LPP: variants seen among roughly 807,000 people sequenced by gnomAD.
The protein encoded by LPP is LIM domain containing preferred translocation partner in lipoma, also known as lipoma-preferred partner.
LPP carries 38 observed loss-of-function variants against 60.4 expected under a neutral mutation model. The observed-to-expected ratio is 0.63, with a 90% confidence interval of 0.49 to 0.83. The LOEUF (loss-of-function observed/expected upper bound fraction) is 0.83, where lower values mean the gene tolerates loss of function less well. LPP is among the 40% of genes least tolerant of loss of function. The pLI is 0.00. For synonymous variants in LPP, 328 were observed against 290.8 expected, an observed-to-expected ratio of 1.13 and a Z score of -1.30; for missense variants, 902 against 783.6, an observed-to-expected ratio of 1.15 and a Z score of -1.80.
intron 9 of LPP, among the ~76,000 whole-genome samples, chr3:188,840,334 T>A (rs1759620992): frequency 6.6e-6 from 1 of 152,194 alleles, no homozygotes; most frequent in Non-Finnish European, 1.5e-5. Context: ...ATCTTCCTCT[T>A]AGACCTAGAG....
At chr3:188,191,962 G>T (rs933552192) in intron 1 of LPP, among the ~76,000 whole-genome samples, 7 of 152,192 alleles carry the variant, frequency 4.6e-5, no homozygotes, top group African/African-American at 1.4e-4. Flanking sequence ...TCTTGAGGAG[G>T]TTTGAGGGTT....
intron 9 of LPP, among the ~76,000 whole-genome samples, chr3:188,762,803 T>C (rs1325586462): frequency 6.6e-6 from 1 of 152,054 alleles, no homozygotes; most frequent in Non-Finnish European, 1.5e-5. Flanking sequence ...CATAAGAACA[T>C]TTAATCAAGG....
At chr3:188,817,631 C>G (rs1752814984) in intron 9 of LPP, among the ~76,000 whole-genome samples, 1 of 152,158 alleles carries the variant, frequency 6.6e-6, no homozygotes, top group Admixed American at 6.5e-5. Context: ...CTCCCTGCTG[C>G]CAAACAAAAC....
At position 188,609,718 on chromosome 3, in the gene LPP, A is replaced by G. The variant is rs1439460852; in HGVS notation, c.987A>G (p.Glu329=). 1 of 1,614,128 alleles carries G rather than the reference A, an allele frequency of 6.2e-7. No individual in the cohort carries two copies. Among genetic ancestry groups the G allele is most frequent in the Non-Finnish European group, 8.5e-7 (1 of 1,180,010 alleles). The part of the protein sequence containing the change: ...QQGHPNTWKR[E]PGYTPPGAGN... ...GTCACCCAAATACCTGGAAACGGGA[A>G]CCAGGGTACACTCCTCCTGGAGCAG... The change falls in exon 7 of 12, where the codon GAA becomes GAG. Residue 329 remains glutamate, a synonymous_variant. Coordinates refer to ENST00000617246, the MANE Select transcript of LPP (RefSeq NM_001375462.1). The surrounding 1 kb of genome is among the most constrained non-coding windows in gnomAD (Gnocchi z 6.9).
At chr3:188,416,680 A>G (rs1189148789) in intron 4 of LPP, among the ~76,000 whole-genome samples, 2 of 152,168 alleles carry the variant, frequency 1.3e-5, no homozygotes, top group Non-Finnish European at 2.9e-5. Context: ...TGCTTTCATT[A>G]TAGACACCAA....
intron 7 of LPP, among the ~76,000 whole-genome samples, chr3:188,648,886 A>G (rs1304820353): frequency 1.3e-5 from 2 of 152,180 alleles, no homozygotes; most frequent in African/African-American, 4.8e-5. Context: ...TCTTGTAACC[A>G]AGCTAAGATG....
chr3:188,374,267 G>A (rs1774246198), intron 3 of LPP, among the ~76,000 whole-genome samples: 1 of 151,972 alleles, frequency 6.6e-6, no homozygotes, highest in South Asian at 2.1e-4. Flanking sequence ...AGCTTGATGG[G>A]GATGGCATTG....
intron 4 of LPP, among the ~76,000 whole-genome samples, chr3:188,457,834 A>C (rs1172573472): frequency 1.3e-5 from 2 of 151,768 alleles, no homozygotes; most frequent in Non-Finnish European, 2.9e-5. Context: ...GCTTGAACCC[A>C]GGAGGTGGAG....
chr3:188,241,852 C>T (rs1006441404), intron 2 of LPP, among the ~76,000 whole-genome samples: 1 of 152,114 alleles, frequency 6.6e-6, no homozygotes, highest in Non-Finnish European at 1.5e-5. Context: ...GGGAGTAGGA[C>T]ATTCTGAAAA....
chr3:188,566,841 C>A (rs76911551), intron 6 of LPP, among the ~76,000 whole-genome samples: 2 of 151,426 alleles, frequency 1.3e-5, no homozygotes, highest in Non-Finnish European at 3.0e-5. Context: ...GTAAGGAGAT[C>A]GAAAAACAAA....
At chr3:188,258,553 A>G (rs1732458545) in intron 2 of LPP, among the ~76,000 whole-genome samples, 1 of 152,188 alleles carries the variant, frequency 6.6e-6, no homozygotes, top group South Asian at 2.1e-4. Context: ...ACTCCTGGGC[A>G]CAAGTGATTC....
chr3:188,723,913 T>C (rs1364328074), intron 8 of LPP, among the ~76,000 whole-genome samples: 1 of 152,182 alleles, frequency 6.6e-6, no homozygotes, highest in Admixed American at 6.5e-5. Context: ...ATCTTTCTTA[T>C]CTTACTCTTC....
intron 7 of LPP, among the ~76,000 whole-genome samples, chr3:188,638,014 T>C (rs1420643890): frequency 1.3e-5 from 2 of 150,652 alleles, no homozygotes; most frequent in East Asian, 3.9e-4. Flanking sequence ...ACTCATTTTA[T>C]GAGGCCAGCA....
intron 9 of LPP, among the ~76,000 whole-genome samples, chr3:188,855,662 T>C (rs1226642284): frequency 6.6e-6 from 1 of 152,208 alleles, no homozygotes; most frequent in Non-Finnish European, 1.5e-5. Context: ...CAGGCATTGT[T>C]CTGGAAACTG....
At chr3:188,820,377 A>T (rs1753646530) in intron 9 of LPP, among the ~76,000 whole-genome samples, 1 of 152,098 alleles carries the variant, frequency 6.6e-6, no homozygotes, top group African/African-American at 2.4e-5. Context: ...TTTGAGTCAA[A>T]TATTTGTACA....
At chr3:188,298,364 C>T (rs1201061577) in intron 2 of LPP, among the ~76,000 whole-genome samples, 5 of 152,178 alleles carry the variant, frequency 3.3e-5, no homozygotes, top group African/African-American at 9.7e-5. Context: ...GGCCACTGAT[C>T]CTCCTGGGGG....
chr3:188,332,776 T>C (rs750611430), intron 2 of LPP, among the ~76,000 whole-genome samples: 4 of 152,174 alleles, frequency 2.6e-5, no homozygotes, highest in Non-Finnish European at 4.4e-5. Context: ...AGACACTAAA[T>C]GTTGAGTAGG....
intron 4 of LPP, among the ~76,000 whole-genome samples, chr3:188,411,716 C>T (rs978502427): frequency 6.6e-6 from 1 of 152,160 alleles, no homozygotes; most frequent in African/African-American, 2.4e-5. Flanking sequence ...CAACAACCAC[C>T]CCACCCCCAA....
chr3:188,445,309 A>G (rs1171772818), intron 4 of LPP, among the ~76,000 whole-genome samples: 5 of 152,124 alleles, frequency 3.3e-5, no homozygotes, highest in Non-Finnish European at 5.9e-5. Context: ...CTATGCAGCC[A>G]TAAAAAAGGA....
Sources: gnomAD v4.1 joint callset for allele counts (sites outside exome capture counted in the v4.1 genomes callset) on GRCh38, gnomAD v4.1.1 for gene constraint, Gnocchi (gnomAD v3.1) non-coding constraint, MANE v1.5 for transcripts, NCBI Gene and HGNC (gene_info 2026-07-23, HGNC 2026-07-21) for gene names.